Variants in BTD observed in about 807,000 individuals in gnomAD.
BTD encodes the protein biotinidase.
A neutral mutation model predicts 17.7 loss-of-function variants in BTD; 13 were observed. That is an observed-to-expected ratio of 0.74 (90% CI 0.48 to 1.17). The LOEUF (loss-of-function observed/expected upper bound fraction) is 1.17. Among genes scored for constraint, BTD ranks in the 50% most tolerant of loss-of-function variants. The pLI is 0.00. For synonymous variants in BTD, 240 were observed against 245.2 expected (o/e 0.98, Z 0.20); for missense variants, 674 against 650.4 (o/e 1.04, Z -0.39).
At chr3:15,688,408 G>A (rs919617264) in intron 3 of BTD, among the ~76,000 whole-genome samples, 5 of 152,086 alleles carry the variant, frequency 3.3e-5, no homozygotes, top group Non-Finnish European at 5.9e-5. Context: ...ACAGGCATGC[G>A]CCACCAAGTT....
rs977437614 is a variant in BTD, at chr3:15,648,037, C to G, written c.*2549C>G. Reference sequence around the variant, plus strand: ...TCCCCACAGGTGGCCCTGCTTGGTACCTGTGCCCCCACCCCCCAGCCATGG... The same window carrying G: ...TCCCCACAGGTGGCCCTGCTTGGTAGCTGTGCCCCCACCCCCCAGCCATGG... On this transcript the variant is annotated 3_prime_UTR_variant, in exon 4 of 4. Transcript: ENST00000643237. Among the ~76,000 whole-genome samples the G allele has an allele frequency of 2.0e-5, 3 of 152,156 alleles. No homozygotes were observed. Among genetic ancestry groups the G allele is most frequent in the Admixed American group, 6.5e-5 (1 of 15,282 alleles).
At chr3:15,642,121 G>A (rs1049187658) in intron 3 of BTD, 64 bp downstream of exon 3, 1 of 1,601,162 alleles carries the variant, frequency 6.2e-7, no homozygotes, top group Non-Finnish European at 8.5e-7. Flanking sequence ...TCAGGGACCA[G>A]AAGCTGTGAC....
chr3:15,670,375 C>T (rs2066218998), intron 3 of BTD: 1 of 1,613,776 alleles, frequency 6.2e-7, no homozygotes, highest in Admixed American at 1.7e-5. Flanking sequence ...TAGGTTCATT[C>T]CTCATGATGG....
intron 3 of BTD, chr3:15,676,309 T>C: frequency 4.5e-6 from 1 of 221,494 alleles, no homozygotes; most frequent in Non-Finnish European, 8.8e-6. Context: ...CATTCCTCCG[T>C]TGTTAAGGAA....
chr3:15,631,533 A>G (rs1334242736), intron 1 of BTD: 5 of 1,451,898 alleles, frequency 3.4e-6, no homozygotes, highest in Non-Finnish European at 4.7e-6. Flanking sequence ...ATATCTAGTG[A>G]TTGACATATT....
In BTD at chr3:15,694,169, A is replaced by T. The variant is rs184395041; in HGVS notation, c.400-15891A>T. On this transcript the variant is annotated intron_variant, in intron 3 of 3. Coordinates refer to the BTD transcript ENST00000672141. ...AATAAATTCTCATTTGACTTAAAAAATTGTCACATTCTTCCCTAACCTTCT... is the reference window on the plus strand; with the variant it reads ...AATAAATTCTCATTTGACTTAAAAATTTGTCACATTCTTCCCTAACCTTCT... Among the ~76,000 whole-genome samples the T allele has an allele frequency of 1.7e-3, 254 of 152,242 alleles. 2 individuals are homozygous for T. Among genetic ancestry groups the T allele is most frequent in the Non-Finnish European group, 2.8e-3 (189 of 67,982 alleles).
chr3:15,711,617 A>C (rs1374321781), exon 4 of BTD, among the ~76,000 whole-genome samples: 2 of 152,172 alleles, frequency 1.3e-5, no homozygotes, highest in African/African-American at 4.8e-5. Context: ...GTGGTTGCCT[A>C]GGGCTGAGGG....
chr3:15,648,283 A>G lies in BTD; in HGVS notation c.*2795A>G, dbSNP rs2065739964. On this transcript the variant is annotated 3_prime_UTR_variant, in exon 4 of 4. Transcript: ENST00000643237. The stretch of plus-strand genomic sequence containing the variant: ...TTTATATAGGACAAAATAGGCATAA[A>G]AGTATGAAATGTTTTGTGCACAAAG... Among the ~76,000 whole-genome samples the G allele has an allele frequency of 2.6e-5, 4 of 152,248 alleles. No homozygotes were observed. The highest frequency in any genetic ancestry group is 2.0e-4 in the Admixed American group (3 of 15,288).
chr3:15,712,176 C>A (rs756948440), exon 4 of BTD: 1 of 1,585,388 alleles, frequency 6.3e-7, no homozygotes, highest in Non-Finnish European at 8.6e-7. Context: ...TCTGAAAAGC[C>A]GCTTAAGGCT....
At chr3:15,642,737 C>T (rs1253291588) in intron 3 of BTD, among the ~76,000 whole-genome samples, 3 of 152,110 alleles carry the variant, frequency 2.0e-5, no homozygotes, top group African/African-American at 7.2e-5. Flanking sequence ...GCTGGGATTA[C>T]AGGCATGAGC....
chr3:15,614,125 CT>C (rs869148702), intron 1 of BTD, among the ~76,000 whole-genome samples: 217 of 125,260 alleles, frequency 1.7e-3, no homozygotes, highest in Non-Finnish European at 2.3e-3. Context: ...TTCTTTCTTT[CT>C]TTTTTTTTTT....
chr3:15,701,998 CCTTA>C (rs1575245418), intron 3 of BTD, among the ~76,000 whole-genome samples: 3 of 152,144 alleles, frequency 2.0e-5, no homozygotes, highest in African/African-American at 7.2e-5. Flanking sequence ...AATGGGTCTT[CCTTA>C]CTGAGACCTG....
At chr3:15,601,961 G>A (rs2125313439) in intron 1 of BTD, 67 bp downstream of exon 1, 6 of 1,592,574 alleles carry the variant, frequency 3.8e-6, no homozygotes, top group Non-Finnish European at 4.3e-6. Context: ...ACCCCGCCCC[G>A]GGCGCCCAGT....
At chr3:15,697,364 T>C (rs1248907107) in intron 3 of BTD, 1 of 152,202 alleles carries the variant, frequency 6.6e-6, no homozygotes, top group African/African-American at 2.4e-5. Context: ...GACTACACAT[T>C]GGATACAGTG....
intron 3 of BTD, among the ~76,000 whole-genome samples, chr3:15,701,696 T>C (rs12488774): frequency 0.078 from 11,873 of 152,180 alleles, 616 homozygotes; most frequent in Middle Eastern, 0.16. Context: ...TGGGTATCAC[T>C]ATGATAAAGA....
intron 1 of BTD, chr3:15,606,727 G>C (rs1553647879): frequency 6.6e-6 from 1 of 152,188 alleles, no homozygotes; most frequent in South Asian, 2.1e-4. Flanking sequence ...GTGTTCAATT[G>C]TTAACTTGGG....
In BTD at chr3:15,678,157, C is replaced by A. The variant is rs1255698165; in HGVS notation, c.400-31903C>A. The A allele has an allele frequency of 1.1e-5, 17 of 1,517,624 alleles. No individual in the cohort carries two copies. In the South Asian group the frequency reaches 1.9e-4, roughly 17 times the overall value. 94.0% of individuals were successfully genotyped at this position (1,517,624 alleles called of 1,614,324 possible). A position where few individuals can be genotyped will look rare whatever the true frequency, so the allele number is the denominator to read the frequency against. On this transcript the variant is annotated intron_variant, in intron 3 of 3. Coordinates refer to the BTD transcript ENST00000672141. ...CAGAAGTCTTGGGATCTAAGTTATA[C>A]ATAAGTGATACACATACTTAGGAAA... is the stretch of plus-strand genomic sequence containing the variant.
chr3:15,638,648 A>G (rs2065422459), intron 2 of BTD, among the ~76,000 whole-genome samples: 1 of 152,262 alleles, frequency 6.6e-6, no homozygotes, highest in East Asian at 1.9e-4. Flanking sequence ...CAATTGAAAT[A>G]CAGTCATGCA....
chr3:15,631,097 A>G (rs1021849), intron 1 of BTD, among the ~76,000 whole-genome samples: 16,042 of 152,308 alleles, frequency 0.11, 1,058 homozygotes, highest in East Asian at 0.34. Flanking sequence ...TGAAGTCACG[A>G]AATTCATGAG....
Sources: allele counts gnomAD v4.1 joint callset (sites outside exome capture counted in the v4.1 genomes callset), GRCh38; gene constraint gnomAD v4.1.1; transcripts MANE v1.5; gene names NCBI Gene and HGNC (gene_info 2026-07-23, HGNC 2026-07-21).